Variants in PTPRE observed in about 807,000 individuals in gnomAD.
PTPRE encodes protein tyrosine phosphatase receptor type E, also known as receptor-type tyrosine-protein phosphatase epsilon.
In PTPRE, 51 loss-of-function variants were observed where a neutral mutation model predicts 102.0. That is an observed-to-expected ratio of 0.50 (90% CI 0.40 to 0.63). The LOEUF (loss-of-function observed/expected upper bound fraction) is 0.63, where lower values mean the gene tolerates loss of function less well. Ranked by LOEUF, PTPRE falls within the 30% of genes least tolerant of loss-of-function variation. The probability of loss-of-function intolerance (pLI) is 0.00; values close to 1 mark genes in which losing one functional copy is unlikely to be tolerated. For synonymous variants in PTPRE, 345 were observed against 348.2 expected, an observed-to-expected ratio of 0.99 and a Z score of 0.10; for missense variants, 752 against 915.1, an observed-to-expected ratio of 0.82 and a Z score of 2.30.
chr10:127,948,724 C>T (rs1453816508), intron 1 of PTPRE, among the ~76,000 whole-genome samples: 2 of 152,114 alleles, frequency 1.3e-5, no homozygotes, highest in Non-Finnish European at 2.9e-5. Flanking sequence ...TTTTATTGTC[C>T]GGAGGTACCA....
intron 1 of PTPRE, among the ~76,000 whole-genome samples, chr10:127,948,626 G>A (rs1170595201): frequency 2.0e-5 from 3 of 152,136 alleles, no homozygotes; most frequent in Non-Finnish European, 4.4e-5. Flanking sequence ...TTTTCAGATT[G>A]GCTTCTTTCA....
chr10:128,002,496 C>A (rs192913395), intron 2 of PTPRE, among the ~76,000 whole-genome samples: 1 of 151,782 alleles, frequency 6.6e-6, no homozygotes, highest in South Asian at 2.1e-4. Flanking sequence ...TGCAGCAGTG[C>A]GTAGGTAGGC....
At chr10:128,075,711 A>AATTGAAAATTAACAAAATATTGTTC in intron 17 of PTPRE, among the ~76,000 whole-genome samples, 1 of 152,248 alleles carries the variant, frequency 6.6e-6, no homozygotes. Flanking sequence ...AATTATTGTT[A>AATTGAAAATTAACAAAATATTGTTC]ATTGAAAATT....
intron 2 of PTPRE, among the ~76,000 whole-genome samples, chr10:127,989,115 A>G (rs1343698424): frequency 2.0e-5 from 3 of 152,170 alleles, no homozygotes; most frequent in Non-Finnish European, 4.4e-5. Flanking sequence ...TTCATCTGCT[A>G]TCAGAAATGG....
At chr10:128,068,568 C>T in intron 12 of PTPRE, 1 of 268,036 alleles carries the variant, frequency 3.7e-6, no homozygotes, top group South Asian at 1.2e-4. Flanking sequence ...CCGCCCTCAC[C>T]TCTCCCCGGG....
At chr10:128,065,782 G>A (rs1380443166) in intron 10 of PTPRE, among the ~76,000 whole-genome samples, 1 of 152,168 alleles carries the variant, frequency 6.6e-6, no homozygotes, top group Non-Finnish European at 1.5e-5. Context: ...ACTGGTTGAT[G>A]GTCAGTTAAT....
chr10:128,066,141 G>A lies in PTPRE; in HGVS notation c.790G>A (p.Glu264Lys). The A allele has an allele frequency of 6.2e-7, 1 of 1,614,246 alleles. No homozygotes were observed. Among genetic ancestry groups the A allele is most frequent in the Non-Finnish European group, 8.5e-7 (1 of 1,180,032 alleles). ...WTYGNIRVCVEDCVVLVDYTI... is the reference protein window; with the variant it reads ...WTYGNIRVCVKDCVVLVDYTI... ...CTATGGAAACATCCGGGTGTGCGTG[G>A]AGGACTGCGTGGTTTTGGTCGACTA... Residue 264 changes from glutamate to lysine, a missense_variant, in exon 11 of 21, where the codon GAG becomes AAG. Glu to Lys is a moderately conservative substitution (Grantham distance 56, BLOSUM62 1). This residue lies in a region of PTPRE where 636 missense variants were observed against 824.4 expected (regional missense o/e 0.77). Coordinates refer to ENST00000254667, the MANE Select transcript of PTPRE (RefSeq NM_006504.6).
At chr10:127,952,116 G>T (rs1212220602) in intron 1 of PTPRE, among the ~76,000 whole-genome samples, 1 of 152,132 alleles carries the variant, frequency 6.6e-6, no homozygotes, top group Non-Finnish European at 1.5e-5. Flanking sequence ...CAGTTCTCTA[G>T]CCTATGTCAC....
At chr10:127,922,931 G>A (rs1053891196) in intron 1 of PTPRE, among the ~76,000 whole-genome samples, 14 of 152,068 alleles carry the variant, frequency 9.2e-5, no homozygotes, top group Non-Finnish European at 1.8e-4. Flanking sequence ...AGCCAAGCTC[G>A]GCCTCCCTCA....
At chr10:127,917,228 A>C (rs1846273267) in intron 1 of PTPRE, among the ~76,000 whole-genome samples, 1 of 151,154 alleles carries the variant, frequency 6.6e-6, no homozygotes, top group Non-Finnish European at 1.5e-5. Context: ...GCTGAGTTTG[A>C]GGGTGCCAGA....
chr10:127,950,032 A>G (rs1399160201), intron 1 of PTPRE, among the ~76,000 whole-genome samples: 1 of 151,902 alleles, frequency 6.6e-6, no homozygotes, highest in Non-Finnish European at 1.5e-5. Context: ...ACCCGCCCCC[A>G]CCAACCCTCT....
intron 2 of PTPRE, among the ~76,000 whole-genome samples, chr10:128,030,480 C>T (rs993067707): frequency 1.3e-5 from 2 of 152,144 alleles, no homozygotes; most frequent in Non-Finnish European, 2.9e-5. Flanking sequence ...CTTCAGGCTC[C>T]GTGGCCCGGG....
intron 1 of PTPRE, among the ~76,000 whole-genome samples, chr10:127,938,264 TCA>T (rs1457691037): frequency 2.0e-5 from 3 of 152,206 alleles, no homozygotes; most frequent in Non-Finnish European, 4.4e-5. Context: ...GTGTGCTGTG[TCA>T]CTGAAACACT....
intron 2 of PTPRE, among the ~76,000 whole-genome samples, chr10:127,987,893 G>A (rs1393698171): frequency 1.3e-5 from 2 of 152,234 alleles, no homozygotes; most frequent in Admixed American, 6.5e-5. Context: ...CTGGACTGCA[G>A]GCCAATGAGC....
intron 1 of PTPRE, among the ~76,000 whole-genome samples, chr10:127,928,170 G>A (rs1013811688): frequency 6.6e-5 from 10 of 152,164 alleles, no homozygotes; most frequent in African/African-American, 9.7e-5. Flanking sequence ...CAAACCTCCC[G>A]TCATCAGTGT....
chr10:128,073,140 G>A (rs1001948510), intron 16 of PTPRE, among the ~76,000 whole-genome samples, 197 bp from the exon 17 acceptor site: 4 of 152,180 alleles, frequency 2.6e-5, no homozygotes, highest in Non-Finnish European at 5.9e-5. Context: ...TGGCCGTTAT[G>A]GTTTCAGATA....
At chr10:127,963,699 T>C (rs1589846137) in intron 1 of PTPRE, among the ~76,000 whole-genome samples, 1 of 151,990 alleles carries the variant, frequency 6.6e-6, no homozygotes, top group East Asian at 1.9e-4. Flanking sequence ...CATGCATGCG[T>C]GCGTGCACAC....
At chr10:128,015,708 C>T (rs1224071742) in intron 2 of PTPRE, among the ~76,000 whole-genome samples, 1 of 152,078 alleles carries the variant, frequency 6.6e-6, no homozygotes, top group East Asian at 1.9e-4. Context: ...TGCCACATGC[C>T]TGTAGTCCCA....
chr10:128,077,467 T>C (rs1464582922), intron 18 of PTPRE, 150 bp from the exon 19 acceptor site: 10 of 1,047,214 alleles, frequency 9.5e-6, no homozygotes, highest in African/African-American at 1.6e-5. Flanking sequence ...GGTTTCAGCC[T>C]TCTCCTTCAG....
Sources: gnomAD v4.1 joint callset for allele counts (sites outside exome capture counted in the v4.1 genomes callset) on GRCh38, gnomAD v4.1.1 for gene constraint, gnomAD v4.1.1 regional missense constraint, MANE v1.5 for transcripts, NCBI Gene and HGNC (gene_info 2026-07-23, HGNC 2026-07-21) for gene names.